Variants in GLRA2 observed in about 807,000 individuals in gnomAD.
GLRA2 encodes the protein glycine receptor subunit alpha-2.
In GLRA2, 11 loss-of-function variants were observed where a neutral mutation model predicts 31.6. The observed-to-expected ratio is 0.35, with a 90% CI of 0.22 to 0.58. GLRA2 has a LOEUF of 0.58. Ranked by LOEUF, GLRA2 falls within the 20% of genes least tolerant of loss-of-function variation. The pLI is 0.84. For missense variants in GLRA2, 212 were observed against 351.8 expected, an observed-to-expected ratio of 0.60 and a Z score of 3.18; for synonymous variants, 132 against 134.0, an observed-to-expected ratio of 0.99 and a Z score of 0.10.
chrX:14,471,985 A>AT, the GLRA2 span, among the ~76,000 whole-genome samples: 2 of 111,489 alleles, frequency 1.8e-5, no homozygotes, highest in African/African-American at 6.5e-5. Flanking sequence ...TCATGTTCCA[A>AT]TTTTTTTGTG....
chrX:14,517,180 C>A, the GLRA2 span, among the ~76,000 whole-genome samples: 11 of 112,054 alleles, frequency 9.8e-5, no homozygotes, highest in African/African-American at 3.6e-4. Flanking sequence ...ACTCTTTGAA[C>A]AAGAGCACCT....
chrX:14,538,034 C>A (rs186250281), intron 2 of GLRA2, among the ~76,000 whole-genome samples: 99 of 108,380 alleles, frequency 9.1e-4, no homozygotes, highest in African/African-American at 3.2e-3. Flanking sequence ...ACTATGGACC[C>A]ACAAGGTTTT....
chrX:14,452,812 TTC>T, the GLRA2 span, among the ~76,000 whole-genome samples: 11 of 112,001 alleles, frequency 9.8e-5, no homozygotes, highest in African/African-American at 3.6e-4. Flanking sequence ...TTGCAGCATA[TTC>T]TGTTTTAACC....
intron 3 of GLRA2, among the ~76,000 whole-genome samples, chrX:14,578,195 G>C (rs187623969): frequency 8.9e-6 from 1 of 111,874 alleles, no homozygotes; most frequent in Non-Finnish European, 1.9e-5. Context: ...TTTGTTCCCA[G>C]ATCAAAGGCA....
intron 2 of GLRA2, among the ~76,000 whole-genome samples, chrX:14,571,769 C>G (rs28543990): frequency 0.023 from 718 of 31,845 alleles, 5 homozygotes; most frequent in African/African-American, 0.11. Flanking sequence ...GAACCTTGAA[C>G]CAAAAAAAAG....
Position 14,604,381 on chromosome X carries a change from A to G in GLRA2, c.561A>G (p.Thr187=), listed in dbSNP as rs1305036643. 4.4e-5 allele frequency: 51 copies of G among 1,149,909 alleles called. No individual in the cohort carries two copies. Among genetic ancestry groups the G allele is most frequent in the Non-Finnish European group, 5.9e-5 (50 of 842,865 alleles). 94.8% of individuals were successfully genotyped at this position (1,149,909 alleles called of 1,213,427 possible). The change falls in exon 5 of 9, where the codon ACA becomes ACG. Residue 187 remains threonine, a synonymous_variant. Coordinates refer to ENST00000218075, the MANE Select transcript of GLRA2 (RefSeq NM_002063.4). ...TTCCGATGGATGTCCAGACCTGTAC[A>G]ATGCAGCTGGAGAGTTGTAAGTCAC... ...KNFPMDVQTC[T]MQLESFGYTM...
chrX:14,705,388 C>T (rs2091606767), intron 8 of GLRA2, among the ~76,000 whole-genome samples: 1 of 111,895 alleles, frequency 8.9e-6, no homozygotes, highest in African/African-American at 3.3e-5. Flanking sequence ...GGGTTGGGGA[C>T]TGTGTGTGTT....
intron 8 of GLRA2, among the ~76,000 whole-genome samples, chrX:14,728,009 C>G (rs1468092037): frequency 8.9e-6 from 1 of 112,032 alleles, no homozygotes. Context: ...GACAGAGTGC[C>G]TTTAGCCAAC....
rs3027389 is a variant in GLRA2, at chrX:14,607,805, A to G, written c.715+537A>G. 3.3e-3 allele frequency among the ~76,000 whole-genome samples: 368 copies of G among 111,409 alleles called. 5 individuals are homozygous for G. The East Asian group carries it at 0.041, about 12-fold the overall frequency. On this transcript the variant is annotated intron_variant, in intron 6 of 8. Coordinates refer to ENST00000218075, the MANE Select transcript of GLRA2 (RefSeq NM_002063.4). ...AGCTGGCAGGAATTCAGCTGGCTCTAAAGTCATGTGTTATCAGTAGTGCTG... is the reference window on the plus strand; with the variant it reads ...AGCTGGCAGGAATTCAGCTGGCTCTGAAGTCATGTGTTATCAGTAGTGCTG...
chrX:14,711,173 T>G (rs975078358), intron 8 of GLRA2, among the ~76,000 whole-genome samples: 1 of 112,411 alleles, frequency 8.9e-6, no homozygotes, highest in Non-Finnish European at 1.9e-5. Context: ...TGTTGTTCCT[T>G]CTATTCTTGT....
At chrX:14,647,957 C>T (rs2147134881) in intron 7 of GLRA2, among the ~76,000 whole-genome samples, 1 of 112,366 alleles carries the variant, frequency 8.9e-6, no homozygotes, top group Admixed American at 9.4e-5. Context: ...TCATAGAATC[C>T]TTTAAATGCC....
intron 4 of GLRA2, among the ~76,000 whole-genome samples, chrX:14,585,729 G>T (rs1394240651): frequency 1.8e-5 from 2 of 111,807 alleles, no homozygotes; most frequent in Non-Finnish European, 3.8e-5. Flanking sequence ...TATTTCTGAG[G>T]ATGAACATAC....
intron 4 of GLRA2, among the ~76,000 whole-genome samples, chrX:14,591,818 C>T (rs1426267084): frequency 8.9e-6 from 1 of 111,938 alleles, no homozygotes; most frequent in South Asian, 3.7e-4. Flanking sequence ...TAACTGTTTA[C>T]GTGACTGGAC....
At chrX:14,594,370 C>T (rs754906264) in intron 4 of GLRA2, among the ~76,000 whole-genome samples, 29 of 111,339 alleles carry the variant, frequency 2.6e-4, no homozygotes, top group Middle Eastern at 4.6e-3. Context: ...TAATACTAGA[C>T]GCATAGTAAC....
At chrX:14,569,307 T>G (rs1042866918) in intron 2 of GLRA2, among the ~76,000 whole-genome samples, 5 of 111,927 alleles carry the variant, frequency 4.5e-5, no homozygotes, top group African/African-American at 1.6e-4. Flanking sequence ...AAAACTTTTA[T>G]GCATCAAAGG....
At chrX:14,701,447 C>T (rs1235450433) in intron 8 of GLRA2, among the ~76,000 whole-genome samples, 2 of 111,351 alleles carry the variant, frequency 1.8e-5, no homozygotes, top group African/African-American at 6.5e-5. Flanking sequence ...GCCTAGCACC[C>T]CTCTGTGTAT....
At chrX:14,629,054 G>C in intron 7 of GLRA2, among the ~76,000 whole-genome samples, 1 of 111,368 alleles carries the variant, frequency 9.0e-6, no homozygotes. Context: ...ATTGAAGGTA[G>C]AATTAATGGG....
chrX:14,669,461 G>T (rs1048170779), intron 7 of GLRA2, among the ~76,000 whole-genome samples: 1 of 111,584 alleles, frequency 9.0e-6, no homozygotes, highest in African/African-American at 3.3e-5. Flanking sequence ...CACTGCCCTA[G>T]CAGAGGTTCT....
At chrX:14,618,343 T>C (rs1380130407) in intron 7 of GLRA2, among the ~76,000 whole-genome samples, 2 of 111,858 alleles carry the variant, frequency 1.8e-5, no homozygotes, top group Non-Finnish European at 3.8e-5. Flanking sequence ...CATATCCTTA[T>C]ACTAAATATG....
Sources: allele counts gnomAD v4.1 joint callset (sites outside exome capture counted in the v4.1 genomes callset), GRCh38; gene constraint gnomAD v4.1.1; transcripts MANE v1.5; gene names NCBI Gene and HGNC (gene_info 2026-07-23, HGNC 2026-07-21).